NONO: variants seen among roughly 807,000 people sequenced by gnomAD.
NONO encodes the protein non-POU domain containing octamer binding, also known as non-POU domain-containing octamer-binding protein.
In NONO, 6 loss-of-function variants were observed where a neutral mutation model predicts 40.2. That is an observed-to-expected ratio of 0.15 (90% confidence interval 0.08 to 0.29). NONO has a LOEUF of 0.29. Ranked by LOEUF, NONO falls within the 10% of genes least tolerant of loss-of-function variation. The probability of loss-of-function intolerance (pLI) is 1.00; values close to 1 mark genes in which losing one functional copy is unlikely to be tolerated. For missense variants in NONO, 133 were observed against 397.8 expected, an observed-to-expected ratio of 0.33 and a Z score of 5.66; for synonymous variants, 89 against 123.3, an observed-to-expected ratio of 0.72 and a Z score of 1.85.
chrX:71,300,315 G>A lies in NONO; in HGVS notation c.*239G>A, dbSNP rs2031551142. 1 of 389,700 alleles carries A rather than the reference G, an allele frequency of 2.6e-6. No homozygotes were observed. The highest frequency in any genetic ancestry group is 2.6e-5 in the African/African-American group (1 of 38,791). 32.1% of individuals were successfully genotyped at this position (389,700 alleles called of 1,213,427 possible). On this transcript the variant is annotated 3_prime_UTR_variant, in exon 12 of 12. Coordinates refer to ENST00000276079, the MANE Select transcript of NONO (RefSeq NM_007363.5). ...GTGGTGCATTCCTGAAGTCTCTAAT[G>A]TGACTGTTGAGGGCCTGGGGAAACC...
At chrX:71,297,117 C>T (rs1411158165) in intron 7 of NONO, 70 bp downstream of exon 7, 1 of 943,709 alleles carries the variant, frequency 1.1e-6, no homozygotes, top group East Asian at 3.4e-5. Flanking sequence ...TTCTTTGTAT[C>T]AATTAACAGA....
chrX:71,300,009 C>G lies in NONO; in HGVS notation c.1349C>G (p.Thr450Ser). ...TMEGIGAIGG[T>S]PPAFNRAAPG... is the part of the protein sequence containing the mutation. ...GAAGGAATTGGGGCAATTGGTGGAA[C>G]TCCTCCTGCATTCAACCGTGCAGCT... Residue 450 changes from threonine (T) to serine (S), a missense_variant, in exon 12 of 12, where the codon ACT becomes AGT. Thr to Ser is a moderately conservative substitution (Grantham distance 58). This residue lies in a region of NONO where 73 missense variants were observed against 162.2 expected (regional missense o/e 0.45). Coordinates refer to ENST00000276079, the MANE Select transcript of NONO (RefSeq NM_007363.5). The G allele has an allele frequency of 8.3e-7, 1 of 1,211,073 alleles. No individual in the cohort carries two copies. Among genetic ancestry groups the G allele is most frequent in the Non-Finnish European group, 1.1e-6 (1 of 894,886 alleles).
chrX:71,290,099 T>TG (rs771131927), intron 2 of NONO, among the ~76,000 whole-genome samples: 2 of 111,256 alleles, frequency 1.8e-5, no homozygotes, highest in African/African-American at 6.5e-5. Context: ...GTTGTAGAGA[T>TG]GGGGGTCTCA....
intron 5 of NONO, among the ~76,000 whole-genome samples, chrX:71,296,113 C>T (rs1042520320): frequency 1.8e-5 from 2 of 108,890 alleles, no homozygotes; most frequent in East Asian, 2.8e-4. Flanking sequence ...TTCGTCCTGT[C>T]AACCCCAGAT....
At chrX:71,287,489 T>A (rs994196932) in intron 2 of NONO, among the ~76,000 whole-genome samples, 8 of 111,412 alleles carry the variant, frequency 7.2e-5, no homozygotes, top group African/African-American at 2.3e-4. Context: ...GCAATTCTCC[T>A]GCCTCAGCCT....
intron 11 of NONO, among the ~76,000 whole-genome samples, chrX:71,299,233 C>T (rs1435653151): frequency 2.7e-5 from 3 of 112,454 alleles, no homozygotes; most frequent in Non-Finnish European, 5.6e-5. Flanking sequence ...TCAGGCTGTT[C>T]TTGAACTCCT....
intron 2 of NONO, among the ~76,000 whole-genome samples, chrX:71,287,882 T>C (rs6625775): frequency 2.0e-5 from 2 of 101,449 alleles, no homozygotes; most frequent in East Asian, 6.1e-4. Flanking sequence ...TTTTTTTTTT[T>C]TTTAAATAAA....
rs778986608 is a variant in NONO, at chrX:71,300,714, A to G, written c.*638A>G. 5.7e-6 allele frequency: 1 copy of G among 175,898 alleles called. No homozygotes were observed. The highest frequency in any genetic ancestry group is 8.2e-5 in the East Asian group (1 of 12,204). 14.5% of individuals were successfully genotyped at this position (175,898 alleles called of 1,213,427 possible). A position where few individuals can be genotyped will look rare whatever the true frequency, so the allele number is the denominator to read the frequency against. On this transcript the variant is annotated 3_prime_UTR_variant, in exon 12 of 12. Transcript: ENST00000276079. The stretch of plus-strand genomic sequence containing the variant: ...CCAATGACCTTAGCCCCATTGCTCC[A>G]TTCACTCCCAGGTGAGAATTCAGGC...
Position 71,300,421 on chromosome X carries a change from C to T in NONO, c.*345C>T, listed in dbSNP as rs1250431356. On this transcript the variant is annotated 3_prime_UTR_variant, in exon 12 of 12. Coordinates refer to ENST00000276079, the MANE Select transcript of NONO (RefSeq NM_007363.5). ...TTTTTTGTCCATCTTGTTTCATTTG[C>T]TTGCCCCGCCCCCGAGACGGAGTCT... 3.8e-6 allele frequency: 1 copy of T among 264,004 alleles called. No individual in the cohort carries two copies. Among genetic ancestry groups the T allele is most frequent in the Non-Finnish European group, 6.6e-6 (1 of 150,925 alleles). The allele number at this position is 264,004 out of a possible 1,213,427, so 21.8% of individuals were successfully genotyped here. A position where few individuals can be genotyped will look rare whatever the true frequency, so the allele number is the denominator to read the frequency against.
intron 11 of NONO, among the ~76,000 whole-genome samples, chrX:71,299,595 G>T (rs2031530938): frequency 8.9e-6 from 1 of 111,906 alleles, no homozygotes; most frequent in Non-Finnish European, 1.9e-5. Context: ...TAGTTTGGTT[G>T]TTTCTGTTTT....
At position 71,290,712 on chromosome X, in the gene NONO, G is replaced by GCAGCAGCACCAC. The variant is rs1284257748; in HGVS notation, c.84_95dup (p.His28_Gln31dup). On this transcript the variant is annotated inframe_insertion, in exon 3 of 12. Coordinates refer to ENST00000276079, the MANE Select transcript of NONO (RefSeq NM_007363.5). Reference sequence around the variant, plus strand: ...GAAAGCATCATCAACATCACCACCAGCAGCAGCACCACCAGCAGCAACAGC... The same window carrying GCAGCAGCACCAC: ...GAAAGCATCATCAACATCACCACCAGCAGCAGCACCACCAGCAGCACCACCAGCAGCAACAGC... The GCAGCAGCACCAC allele has an allele frequency of 5.0e-6, 6 of 1,202,993 alleles. No homozygotes were observed. Among genetic ancestry groups the GCAGCAGCACCAC allele is most frequent in the Non-Finnish European group, 6.7e-6 (6 of 889,799 alleles).
In NONO at chrX:71,300,741, A is replaced by G. The variant is rs1304688621; in HGVS notation, c.*665A>G. On this transcript the variant is annotated 3_prime_UTR_variant, in exon 12 of 12. Coordinates refer to ENST00000276079, the MANE Select transcript of NONO (RefSeq NM_007363.5). ...TCACTCCCAGGTGAGAATTCAGGCA[A>G]ACGTCCACAAAGGTCACAGGCAGCG... 2.3e-5 allele frequency: 4 copies of G among 174,470 alleles called. No individual in the cohort carries two copies. Among genetic ancestry groups the G allele is most frequent in the Admixed American group, 1.5e-4 (2 of 13,322 alleles). 14.4% of individuals were successfully genotyped at this position (174,470 alleles called of 1,213,427 possible).
chrX:71,300,185 T>A lies in NONO; in HGVS notation c.*109T>A. 1.1e-6 allele frequency: 1 copy of A among 930,281 alleles called. No homozygotes were observed. Among genetic ancestry groups the A allele is most frequent in the Non-Finnish European group, 1.5e-6 (1 of 652,809 alleles). 76.7% of individuals were successfully genotyped at this position (930,281 alleles called of 1,213,427 possible). ...AGGGATTCCTTCCAATAGTTAGATCTACCCTGCCTGTACTACTCTAGGGAG... is the reference window on the plus strand; with the variant it reads ...AGGGATTCCTTCCAATAGTTAGATCAACCCTGCCTGTACTACTCTAGGGAG... On this transcript the variant is annotated 3_prime_UTR_variant, in exon 12 of 12. Coordinates refer to ENST00000276079, the MANE Select transcript of NONO (RefSeq NM_007363.5).
At chrX:71,296,789 A>T in intron 6 of NONO, 62 bp from the exon 7 acceptor site, 1 of 1,118,359 alleles carries the variant, frequency 8.9e-7, no homozygotes, top group Admixed American at 2.5e-5. Flanking sequence ...CCTCACAAGG[A>T]ATGCAATTCT....
Position 71,300,028 on chromosome X carries a change from T to C in NONO, c.1368T>C (p.Arg456=). Residue 456 remains arginine (R), a synonymous_variant, in exon 12 of 12, where the codon CGT becomes CGC. Transcript: ENST00000276079. The part of the protein sequence containing the change: ...AIGGTPPAFN[R]AAPGAEFAPN... ...GTGGAACTCCTCCTGCATTCAACCG[T>C]GCAGCTCCTGGAGCTGAATTTGCCC... 8.3e-7 allele frequency: 1 copy of C among 1,211,444 alleles called. No individual in the cohort carries two copies. Among genetic ancestry groups the C allele is most frequent in the Non-Finnish European group, 1.1e-6 (1 of 895,268 alleles).
intron 11 of NONO, 134 bp from the exon 12 acceptor site, chrX:71,299,808 A>G (rs2031536969): frequency 1.3e-6 from 1 of 765,869 alleles, no homozygotes; most frequent in East Asian, 3.2e-5. Context: ...AAACAGACTT[A>G]GTCACCCACT....
intron 2 of NONO, among the ~76,000 whole-genome samples, chrX:71,287,533 A>G (rs2148028161): frequency 9.4e-6 from 1 of 106,930 alleles, no homozygotes; most frequent in South Asian, 4.1e-4. Flanking sequence ...GCAAGCTACC[A>G]CACCCGGCTA....
chrX:71,290,425 AT>A lies in NONO; in HGVS notation c.-9-196del, dbSNP rs751016927. Among the ~76,000 whole-genome samples, 44 of 110,793 alleles carry A rather than the reference AT, an allele frequency of 4.0e-4. No homozygotes were observed. In the East Asian group the frequency reaches 0.01, roughly 26 times the overall value. On this transcript the variant is annotated intron_variant, in intron 2 of 11. Coordinates refer to ENST00000276079, the MANE Select transcript of NONO (RefSeq NM_007363.5). ...TATTTTGTAACCTCCAGAACGCAAGATTTTTTTTAACATAGTTTCCATATGC... is the reference window on the plus strand; with the variant it reads ...TATTTTGTAACCTCCAGAACGCAAGATTTTTTTAACATAGTTTCCATATGC...
Position 71,300,456 on chromosome X carries a change from G to A in NONO, c.*380G>A, listed in dbSNP as rs930979996. The A allele has an allele frequency of 6.2e-5, 15 of 242,832 alleles. No individual in the cohort carries two copies. Among genetic ancestry groups the A allele is most frequent in the Non-Finnish European group, 1.1e-4 (15 of 141,523 alleles). 20.0% of individuals were successfully genotyped at this position (242,832 alleles called of 1,213,427 possible). A position where few individuals can be genotyped will look rare whatever the true frequency, so the allele number is the denominator to read the frequency against. The stretch of plus-strand genomic sequence containing the variant: ...CCCCGAGACGGAGTCTTACTCTGTC[G>A]CCCAGGCTGGAGTGTAGTGGCATGA... On this transcript the variant is annotated 3_prime_UTR_variant, in exon 12 of 12. Transcript: ENST00000276079.
Sources: allele counts gnomAD v4.1 joint callset (sites outside exome capture counted in the v4.1 genomes callset), GRCh38; gene constraint gnomAD v4.1.1; regional missense constraint gnomAD v4.1.1; transcripts MANE v1.5; gene names NCBI Gene and HGNC (gene_info 2026-07-23, HGNC 2026-07-21).